SVEP1: variants seen among roughly 807,000 people sequenced by gnomAD.
SVEP1 encodes the protein sushi, von Willebrand factor type A, EGF and pentraxin domain-containing protein 1.
Under a neutral mutation model 367.3 loss-of-function variants are expected in SVEP1, and 164 were observed. The ratio of observed to expected loss-of-function variants is 0.45; its 90% CI spans 0.39 to 0.51. SVEP1 has a LOEUF of 0.51. SVEP1 is among the 20% of genes least tolerant of loss of function. The pLI is 0.00. For synonymous variants in SVEP1, 1,666 were observed against 1,611.6 expected, an observed-to-expected ratio of 1.03 and a Z score of -0.81; for missense variants, 4,117 against 4,425.3, an observed-to-expected ratio of 0.93 and a Z score of 1.98.
intron 8 of SVEP1, 69 bp downstream of exon 8, chr9:110,496,746 T>C: frequency 8.5e-7 from 1 of 1,173,684 alleles, no homozygotes; most frequent in South Asian, 1.4e-5. Context: ...TAGTAAGTCT[T>C]CAACACACAT....
chr9:110,440,212 A>C (rs1350270344), intron 27 of SVEP1, among the ~76,000 whole-genome samples: 11 of 152,210 alleles, frequency 7.2e-5, no homozygotes, highest in African/African-American at 2.7e-4. Context: ...TTACAGCCCA[A>C]CACTATGTTA....
At chr9:110,405,947 GAA>G (rs1564132887) in intron 38 of SVEP1, among the ~76,000 whole-genome samples, 2 of 152,150 alleles carry the variant, frequency 1.3e-5, no homozygotes, top group Non-Finnish European at 2.9e-5. Flanking sequence ...AATTATATTA[GAA>G]ACATGTCTGA....
intron 40 of SVEP1, among the ~76,000 whole-genome samples, chr9:110,391,864 T>G (rs917591094): frequency 6.6e-6 from 1 of 151,976 alleles, no homozygotes; most frequent in Non-Finnish European, 1.5e-5. Context: ...CCCTCGCCAA[T>G]GTGGAGGGTG....
At chr9:110,488,176 G>A (rs1829313678) in intron 9 of SVEP1, among the ~76,000 whole-genome samples, 1 of 152,180 alleles carries the variant, frequency 6.6e-6, no homozygotes, top group Admixed American at 6.5e-5. Flanking sequence ...TTTTCGCTTG[G>A]TAGCTAGGTG....
Position 110,408,671 on chromosome 9 carries a change from C to T in SVEP1, c.6929G>A (p.Trp2310Ter). Residue 2310 changes from tryptophan (W) to a stop codon, truncating the protein, a stop_gained, in exon 38 of 48, where the codon TGG becomes TAG. Coordinates refer to ENST00000374469, the MANE Select transcript of SVEP1 (RefSeq NM_153366.4). LOFTEE classifies it high-confidence loss of function. ...GCACTTTGGATTTGACTTCTTATTC[C>T]ATTTGCCAGATTTCTGACATGTCCA... Reference protein sequence around the residue: ...SSWTCQKSGKWNKKSNPKCMP... With the variant: ...SSWTCQKSGK 2 of 1,614,000 alleles carry T rather than the reference C, an allele frequency of 1.2e-6. No homozygotes were observed. The highest frequency in any genetic ancestry group is 1.7e-5 in the Admixed American group (1 of 60,022).
chr9:110,538,011 A>T (rs1042766940), intron 3 of SVEP1, among the ~76,000 whole-genome samples: 11 of 151,960 alleles, frequency 7.2e-5, no homozygotes, highest in Admixed American at 6.6e-5. Flanking sequence ...CAATAAGCAG[A>T]TATTGATCAC....
At chr9:110,392,586 T>TCACAACTC (rs1381742577) in intron 40 of SVEP1, among the ~76,000 whole-genome samples, 5 of 152,138 alleles carry the variant, frequency 3.3e-5, no homozygotes, top group African/African-American at 1.2e-4. Context: ...CTATTTAAAT[T>TCACAACTC]CTATTTTATC....
Position 110,404,685 on chromosome 9 carries a change from ATG to A in SVEP1, c.9441-135_9441-134del, listed in dbSNP as rs1588036594. On this transcript the variant is annotated intron_variant, in intron 38 of 47. Coordinates refer to ENST00000374469, the MANE Select transcript of SVEP1 (RefSeq NM_153366.4). ...ACATATTGATTGTTGCACAATCAAT[ATG>A]TCAGGCGGATGGCATTGCCATGCAA... 2.3e-5 allele frequency: 19 copies of A among 823,280 alleles called. No individual in the cohort carries two copies. The East Asian group carries it at 4.6e-4, about 20-fold the overall frequency. The allele number at this position is 823,280 out of a possible 1,614,324, so 51.0% of individuals were successfully genotyped here. A position where few individuals can be genotyped will look rare whatever the true frequency, so the allele number is the denominator to read the frequency against.
rs758998164 is a variant in SVEP1, at chr9:110,431,999, C to T, written c.5269G>A (p.Glu1757Lys). Residue 1757 changes from glutamate to lysine, a missense_variant, in exon 32 of 48, where the codon GAG becomes AAG. Around this residue, in one of 4 missense-constraint regions of SVEP1, gnomAD observed 2,174 missense variants for 2,494.3 expected, o/e 0.87. Coordinates refer to ENST00000374469, the MANE Select transcript of SVEP1 (RefSeq NM_153366.4). ...TCTACGTTCAGGCAAGAAGCATGCT[C>T]ACTACAATCTGATCCAACTGCACAC... Reference protein sequence around the residue: ...DECAVGSDCSEHASCLNVDGS... With the variant: ...DECAVGSDCSKHASCLNVDGS... 1.2e-6 allele frequency: 2 copies of T among 1,613,266 alleles called. No individual in the cohort carries two copies. The highest frequency in any genetic ancestry group is 2.2e-5 in the East Asian group (1 of 44,852).
chr9:110,440,768 G>C (rs1270838902), intron 27 of SVEP1, among the ~76,000 whole-genome samples: 3 of 152,184 alleles, frequency 2.0e-5, no homozygotes, highest in Admixed American at 6.5e-5. Context: ...GTGTATGGTA[G>C]ATACTGAGGG....
chr9:110,411,236 C>T lies in SVEP1; in HGVS notation c.6475G>A (p.Gly2159Arg). 6.2e-7 allele frequency: 1 copy of T among 1,613,976 alleles called. No homozygotes were observed. Among genetic ancestry groups the T allele is most frequent in the African/African-American group, 1.3e-5 (1 of 75,024 alleles). ...ATGGCTCCAAAACTGTAGTTTGATC[C>T]ACTTGCATAGCCATTCATGATGCTT... ...PPSIMNGYAS[G>R]SNYSFGAMVA... The change falls in exon 37 of 48, where the codon GGA becomes AGA. Residue 2159 changes from glycine to arginine, a missense_variant. By Grantham distance (125) the Gly-to-Arg change is moderately radical. This residue lies in a region of SVEP1 where 1,765 missense variants were observed against 1,781.1 expected (regional missense o/e 0.99). Coordinates refer to ENST00000374469, the MANE Select transcript of SVEP1 (RefSeq NM_153366.4).
intron 18 of SVEP1, among the ~76,000 whole-genome samples, chr9:110,462,969 CCA>C (rs1210177561): frequency 1.3e-5 from 2 of 151,880 alleles, no homozygotes; most frequent in African/African-American, 4.8e-5. Flanking sequence ...GGTTCTCTTA[CCA>C]CACACACCCA....
At chr9:110,432,745 C>G in intron 30 of SVEP1, 110 bp from the exon 31 acceptor site, 1 of 1,284,122 alleles carries the variant, frequency 7.8e-7, no homozygotes, top group Non-Finnish European at 1.1e-6. Context: ...TTACTGAATG[C>G]AAACATCAGA....
chr9:110,478,362 T>A (rs1332619512), intron 13 of SVEP1, among the ~76,000 whole-genome samples: 1 of 152,228 alleles, frequency 6.6e-6, no homozygotes, highest in African/African-American at 2.4e-5. Flanking sequence ...GCCTGTTTAT[T>A]CAGATCTAAA....
chr9:110,551,806 G>C (rs925610419), intron 1 of SVEP1, among the ~76,000 whole-genome samples: 2 of 151,944 alleles, frequency 1.3e-5, no homozygotes, highest in Admixed American at 6.6e-5. Flanking sequence ...AAAGAGTTAG[G>C]GGAGAATGAG....
chr9:110,542,286 T>A (rs185965201), intron 3 of SVEP1, among the ~76,000 whole-genome samples: 1 of 152,254 alleles, frequency 6.6e-6, no homozygotes, highest in East Asian at 1.9e-4. Flanking sequence ...GGGTATGTTA[T>A]CTTGAGCAAC....
chr9:110,482,596 G>A (rs1038902812), intron 10 of SVEP1, 104 bp from the exon 11 acceptor site: 17 of 1,324,040 alleles, frequency 1.3e-5, no homozygotes, highest in African/African-American at 8.9e-5. Flanking sequence ...GCATGATCTC[G>A]GCTCACTGCA....
At chr9:110,511,945 G>A (rs1829724691) in intron 5 of SVEP1, among the ~76,000 whole-genome samples, 1 of 152,104 alleles carries the variant, frequency 6.6e-6, no homozygotes, top group East Asian at 1.9e-4. Context: ...AAAATGACTA[G>A]TGGATGTGGT....
chr9:110,435,013 C>T (rs1449122357), intron 29 of SVEP1, among the ~76,000 whole-genome samples: 1 of 151,948 alleles, frequency 6.6e-6, no homozygotes. Context: ...TATTATTTTA[C>T]TTTCATCCAA....
Sources: allele counts gnomAD v4.1 joint callset (sites outside exome capture counted in the v4.1 genomes callset), GRCh38; gene constraint gnomAD v4.1.1; regional missense constraint gnomAD v4.1.1; transcripts MANE v1.5; gene names NCBI Gene and HGNC (gene_info 2026-07-23, HGNC 2026-07-21).